The following TPM3 variants were observed in gnomAD, a reference collection of about 807,000 sequenced individuals.
TPM3 encodes tropomyosin alpha-3 chain.
In TPM3, 16 loss-of-function variants were observed where a neutral mutation model predicts 43.1. The observed-to-expected ratio is 0.37, with a 90% confidence interval of 0.25 to 0.56. TPM3 has a LOEUF of 0.56. Among genes scored for constraint, TPM3 ranks in the 20% least tolerant of loss-of-function variants. TPM3 has a pLI of 0.77. For missense variants in TPM3, 176 were observed against 337.2 expected, an observed-to-expected ratio of 0.52 and a Z score of 3.74; for synonymous variants, 101 against 116.9, an observed-to-expected ratio of 0.86 and a Z score of 0.88.
rs960701006 is a variant in TPM3, at chr1:154,165,575, G to T, written c.*2362C>A. On this transcript the variant is annotated 3_prime_UTR_variant, in exon 10 of 10. Coordinates refer to ENST00000651641, the MANE Select transcript of TPM3 (RefSeq NM_152263.4). ...AGGCTGAGGTGGGTGGATCACTTGA[G>T]GTCAGGAGTTCCAGACCAGCCTGGC... is the stretch of plus-strand genomic sequence containing the variant. Among the ~76,000 whole-genome samples the T allele has an allele frequency of 2.6e-5, 4 of 151,606 alleles. No individual in the cohort carries two copies. The highest frequency in any genetic ancestry group is 5.9e-5 in the Non-Finnish European group (4 of 67,944).
downstream of TPM3, chr1:154,155,889 A>T (rs1659754325): frequency 4.8e-6 from 1 of 207,856 alleles, no homozygotes; most frequent in African/African-American, 2.3e-5. Context: ...GACAATACTT[A>T]TCTCCATTTT....
At chr1:154,155,705 C>T (rs776747237), downstream of TPM3, 8 of 227,950 alleles carry the variant, frequency 3.5e-5, no homozygotes, top group Middle Eastern at 1.3e-3. Flanking sequence ...GTTAAAACCA[C>T]GCATTTATAG....
downstream of TPM3, among the ~76,000 whole-genome samples, chr1:154,161,539 G>A (rs1464395974): frequency 2.0e-5 from 3 of 148,368 alleles, no homozygotes; most frequent in African/African-American, 7.5e-5. Context: ...AGGTTCAAGC[G>A]ATTCTCTCGC....
At chr1:154,186,627 C>G (rs1184231869) in intron 2 of TPM3, among the ~76,000 whole-genome samples, 1 of 151,570 alleles carries the variant, frequency 6.6e-6, no homozygotes, top group Admixed American at 6.6e-5. Flanking sequence ...TTTGTTTCTC[C>G]CTAAACAGCA....
chr1:154,181,671 G>C (rs1441063288), intron 2 of TPM3, among the ~76,000 whole-genome samples: 1 of 152,198 alleles, frequency 6.6e-6, no homozygotes, highest in East Asian at 1.9e-4. Context: ...TGTAATCCCA[G>C]CACTTTGGGA....
At chr1:154,174,396 A>G (rs1486093506) in intron 3 of TPM3, among the ~76,000 whole-genome samples, 12 of 115,728 alleles carry the variant, frequency 1.0e-4, no homozygotes, top group East Asian at 2.6e-4. Context: ...ATATATATAT[A>G]TATATATATA....
chr1:154,155,787 G>A (rs1207219198), downstream of TPM3: 10 of 224,504 alleles, frequency 4.5e-5, no homozygotes. Flanking sequence ...TGGTTGTGAA[G>A]GAAAATGTAT....
At chr1:154,184,796 C>T (rs1360395786) in intron 2 of TPM3, among the ~76,000 whole-genome samples, 1 of 150,972 alleles carries the variant, frequency 6.6e-6, no homozygotes, top group Non-Finnish European at 1.5e-5. Context: ...CGTCTGTAGT[C>T]CCAGCTACTT....
rs1184511697 is a variant in TPM3 at position 154,166,167 on chromosome 1, T to G, written c.*1770A>C. On this transcript the variant is annotated 3_prime_UTR_variant, in exon 10 of 10. Transcript: ENST00000651641. ...TGGACAAAAGGAAACGTGAATTTGA[T>G]ATGACTTAAAGTTTTAGATTAAGGA... 1 of 227,358 alleles carries G rather than the reference T, an allele frequency of 4.4e-6. No homozygotes were observed. The highest frequency in any genetic ancestry group is 6.4e-5 in the East Asian group (1 of 15,730). The allele number at this position is 227,358 out of a possible 1,614,324, so 14.1% of individuals were successfully genotyped here. A position where few individuals can be genotyped will look rare whatever the true frequency, so the allele number is the denominator to read the frequency against.
At chr1:154,170,244 C>G in intron 8 of TPM3, 156 bp downstream of exon 8, 1 of 746,132 alleles carries the variant, frequency 1.3e-6, no homozygotes, top group Admixed American at 2.3e-5. Flanking sequence ...AGAGTTTGAC[C>G]CACTTTGCCT....
chr1:154,157,167 G>C (rs746061371), downstream of TPM3: 1 of 285,990 alleles, frequency 3.5e-6, no homozygotes, highest in African/African-American at 2.2e-5. Flanking sequence ...GTCTCCCTGG[G>C]CTCTGTTTGG....
intron 2 of TPM3, chr1:154,182,888 G>C: frequency 6.4e-7 from 1 of 1,573,388 alleles, no homozygotes; most frequent in Non-Finnish European, 8.6e-7. Flanking sequence ...CGAGCCCGCC[G>C]GCCTTCAGAG....
At chr1:154,190,459 T>A (rs1469902226) in intron 2 of TPM3, among the ~76,000 whole-genome samples, 1 of 152,212 alleles carries the variant, frequency 6.6e-6, no homozygotes, top group East Asian at 1.9e-4. Flanking sequence ...TGGGATAATA[T>A]GAGATGGAAA....
intron 2 of TPM3, among the ~76,000 whole-genome samples, chr1:154,177,889 G>A (rs1662511486): frequency 6.6e-6 from 1 of 152,190 alleles, no homozygotes; most frequent in Admixed American, 6.5e-5. Flanking sequence ...AAAGAAAATC[G>A]AGAAGTCAAC....
At chr1:154,178,022 A>AT in intron 2 of TPM3, 2 of 430,812 alleles carry the variant, frequency 4.6e-6, no homozygotes, top group Non-Finnish European at 6.2e-6. Flanking sequence ...AACAACACAC[A>AT]TTTCTCCTCA....
At chr1:154,160,850 T>C (rs1195672536), downstream of TPM3, among the ~76,000 whole-genome samples, 1 of 151,944 alleles carries the variant, frequency 6.6e-6, no homozygotes, top group Non-Finnish European at 1.5e-5. Flanking sequence ...TCAAAGAAAA[T>C]GCTCATTGGA....
At chr1:154,171,991 C>G (rs1661625194) in intron 5 of TPM3, 1 of 1,610,080 alleles carries the variant, frequency 6.2e-7, no homozygotes. Context: ...AAAACCACAC[C>G]ACATATATAA....
chr1:154,174,226 G>T (rs957168910), intron 3 of TPM3, among the ~76,000 whole-genome samples: 11 of 149,420 alleles, frequency 7.4e-5, no homozygotes, highest in Admixed American at 6.0e-4. Context: ...CCAGCTACTT[G>T]AGGGAAGCTG....
At chr1:154,170,538 C>A in intron 7 of TPM3, 69 bp from the exon 8 acceptor site, 1 of 1,601,146 alleles carries the variant, frequency 6.2e-7, no homozygotes, top group East Asian at 2.2e-5. Flanking sequence ...ATTTCTTCCA[C>A]CTTCTACTTC....
Sources: gnomAD v4.1 joint callset for allele counts (sites outside exome capture counted in the v4.1 genomes callset) on GRCh38, gnomAD v4.1.1 for gene constraint, MANE v1.5 for transcripts, NCBI Gene and HGNC (gene_info 2026-07-23, HGNC 2026-07-21) for gene names.